Variants in LRRC37A2 observed in about 807,000 individuals in gnomAD.
The protein encoded by LRRC37A2 is leucine rich repeat containing 37 member A2.
A neutral mutation model predicts 68.8 loss-of-function variants in LRRC37A2; 9 were observed. That is an observed-to-expected ratio of 0.13 (90% CI 0.08 to 0.23). The LOEUF is 0.23. LRRC37A2 is among the 10% of genes least tolerant of loss of function. The pLI, the probability that LRRC37A2 is intolerant of heterozygous loss-of-function variation, is 1.00. For missense variants in LRRC37A2, 168 were observed against 950.4 expected (o/e 0.18, Z 10.82); for synonymous variants, 63 against 367.6 (o/e 0.17, Z 9.48).
At chr17:46,769,896 T>C in the LRRC37A2 span, 1 of 1,613,580 alleles carries the variant, frequency 6.2e-7, no homozygotes, top group Non-Finnish European at 8.5e-7. Context: ...GCGTCCTCGC[T>C]GCAGCCGCCC....
chr17:46,812,233 C>T, the LRRC37A2 span, among the ~76,000 whole-genome samples: 1 of 152,190 alleles, frequency 6.6e-6, no homozygotes, highest in Non-Finnish European at 1.5e-5. Context: ...TAAAGAAGGA[C>T]CCTGCTTAGA....
chr17:47,014,170 T>A, the LRRC37A2 span, among the ~76,000 whole-genome samples: 2 of 151,236 alleles, frequency 1.3e-5, no homozygotes, highest in African/African-American at 2.4e-5. Flanking sequence ...GGTGGGCGGA[T>A]CATGAGGTCA....
chr17:46,932,321 C>A, the LRRC37A2 span: 1 of 1,123,648 alleles, frequency 8.9e-7, no homozygotes, highest in Non-Finnish European at 1.3e-6. Flanking sequence ...AGGAAACCAA[C>A]TGGAAATGAC....
At chr17:46,813,492 G>A in the LRRC37A2 span, among the ~76,000 whole-genome samples, 1 of 150,750 alleles carries the variant, frequency 6.6e-6, no homozygotes, top group Non-Finnish European at 1.5e-5. Context: ...GTGGGGCTAG[G>A]CATACCTCCT....
At chr17:46,950,787 A>G in the LRRC37A2 span, among the ~76,000 whole-genome samples, 1 of 152,104 alleles carries the variant, frequency 6.6e-6, no homozygotes, top group Non-Finnish European at 1.5e-5. Context: ...GGCTGATGAG[A>G]TCAAAACTGT....
chr17:46,825,797 G>A, the LRRC37A2 span, among the ~76,000 whole-genome samples: 1 of 152,240 alleles, frequency 6.6e-6, no homozygotes, highest in Non-Finnish European at 1.5e-5. Context: ...GCCGAGGTGG[G>A]CGGATCACCT....
At chr17:46,461,409 G>A in the LRRC37A2 span, among the ~76,000 whole-genome samples, 2 of 107,958 alleles carry the variant, frequency 1.9e-5, no homozygotes, top group Non-Finnish European at 4.2e-5. Flanking sequence ...TGCTTGGGTG[G>A]TAAAACTATA....
rs571112583 is a variant in LRRC37A2, at chr17:46,549,168, A to G, written c.4029A>G (p.Pro1343=). Residue 1343 remains proline, a synonymous_variant, in exon 10 of 15, where the codon CCA becomes CCG. Transcript: ENST00000576629. ...GACTGATGCTCGCAAACAGGCTTCC[A>G]TTCTCTGCAGCGAAGAGCCTCATAA... 77 of 1,611,374 alleles carry G rather than the reference A, an allele frequency of 4.8e-5. 1 individual carries two copies. The highest frequency in any genetic ancestry group is 1.8e-4 in the Admixed American group (11 of 59,842).
At chr17:46,979,024 G>A in the LRRC37A2 span, 1 of 1,389,530 alleles carries the variant, frequency 7.2e-7, no homozygotes, top group South Asian at 1.6e-5. Context: ...GCGGCGCCGG[G>A]GGTCTCGGCG....
At chr17:46,932,513 A>T in the LRRC37A2 span, 1 of 580,396 alleles carries the variant, frequency 1.7e-6, no homozygotes. Context: ...TTCTGATCAG[A>T]TAGAGACAGA....
chr17:46,713,285 G>C, the LRRC37A2 span: 1 of 152,458 alleles, frequency 6.6e-6, no homozygotes, highest in Non-Finnish European at 1.5e-5. Flanking sequence ...TGGAAAGGAA[G>C]ATTTGATTGG....
the LRRC37A2 span, chr17:47,042,060 T>C: frequency 1.4e-4 from 15 of 108,828 alleles, no homozygotes; most frequent in Middle Eastern, 4.3e-3. Context: ...AGTGGGATCA[T>C]GGCTGTGAAT....
At chr17:46,891,260 G>C in the LRRC37A2 span, among the ~76,000 whole-genome samples, 1 of 152,126 alleles carries the variant, frequency 6.6e-6, no homozygotes, top group Non-Finnish European at 1.5e-5. Flanking sequence ...AGTGTCTTCC[G>C]TGGCCTTTCT....
the LRRC37A2 span, among the ~76,000 whole-genome samples, chr17:46,783,899 T>C: frequency 6.6e-6 from 1 of 152,214 alleles, no homozygotes; most frequent in Non-Finnish European, 1.5e-5. Flanking sequence ...GCACCTTCCT[T>C]AGCTGGGCTT....
chr17:46,779,397 G>A, the LRRC37A2 span, among the ~76,000 whole-genome samples: 5 of 152,098 alleles, frequency 3.3e-5, no homozygotes, highest in Non-Finnish European at 5.9e-5. Flanking sequence ...TTCGCAGCTG[G>A]GCCAGGGGCT....
At chr17:46,933,548 G>C in the LRRC37A2 span, 1 of 151,784 alleles carries the variant, frequency 6.6e-6, no homozygotes, top group African/African-American at 2.4e-5. Flanking sequence ...TCTGTGAGGA[G>C]CTCCCCTGTT....
At chr17:46,749,993 G>A in the LRRC37A2 span, 4 of 1,427,792 alleles carry the variant, frequency 2.8e-6, no homozygotes, top group Non-Finnish European at 3.9e-6. Flanking sequence ...CCTGGTGTTT[G>A]GTTTTTATGC....
At chr17:46,884,893 G>C in the LRRC37A2 span, 1 of 329,982 alleles carries the variant, frequency 3.0e-6, no homozygotes, top group Non-Finnish European at 6.0e-6. Flanking sequence ...TTTGCTTCCT[G>C]ACTTGGTTCA....
At chr17:46,526,729 G>A (rs1490327069) in intron 6 of LRRC37A2, among the ~76,000 whole-genome samples, 4 of 105,070 alleles carry the variant, frequency 3.8e-5, no homozygotes, top group Admixed American at 9.0e-5. Flanking sequence ...GGACTTAACT[G>A]GATTCTGCTG....
Sources: gnomAD v4.1 joint callset for allele counts (sites outside exome capture counted in the v4.1 genomes callset) on GRCh38, gnomAD v4.1.1 for gene constraint, MANE v1.5 for transcripts, NCBI Gene and HGNC (gene_info 2026-07-23, HGNC 2026-07-21) for gene names.